TMED9: variants seen among roughly 807,000 people sequenced by gnomAD.
TMED9 encodes the protein transmembrane emp24 domain-containing protein 9.
In TMED9, 22 loss-of-function variants were observed where a neutral mutation model predicts 30.6. The ratio of observed to expected loss-of-function variants is 0.72; its 90% confidence interval spans 0.51 to 1.03. TMED9 has a LOEUF of 1.03. Among genes scored for constraint, TMED9 ranks in the 50% least tolerant of loss-of-function variants. TMED9 has a pLI of 0.00. For missense variants in TMED9, 251 were observed against 302.1 expected, an observed-to-expected ratio of 0.83 and a Z score of 1.25; for synonymous variants, 146 against 122.8, an observed-to-expected ratio of 1.19 and a Z score of -1.25.
In TMED9 at chr5:177,595,959, T is replaced by C. The variant is rs182626237; in HGVS notation, c.*543T>C. On this transcript the variant is annotated 3_prime_UTR_variant, in exon 5 of 5. Coordinates refer to ENST00000332598, the MANE Select transcript of TMED9 (RefSeq NM_017510.6). ...TGCAGTTGACCTGAGCTGCTTCACA[T>C]GGTTGTCCATTCTGGGGCTTAAAGA... 2.0e-5 allele frequency: 3 copies of C among 152,898 alleles called. No individual in the cohort carries two copies. In the East Asian group the frequency reaches 5.8e-4, roughly 29 times the overall value. The allele number at this position is 152,898 out of a possible 1,614,324, so 9.5% of individuals were successfully genotyped here. A position where few individuals can be genotyped will look rare whatever the true frequency, so the allele number is the denominator to read the frequency against.
chr5:177,592,283 G>C lies in TMED9; in HGVS notation c.69G>C (p.Arg23=). The change falls in exon 1 of 5, where the codon CGG becomes CGC. Residue 23 remains arginine, a synonymous_variant. Coordinates refer to ENST00000332598, the MANE Select transcript of TMED9 (RefSeq NM_017510.6). ...RPGTGLGRVM[R]TLLLVLWLAT... ...GAACCGGGCTGGGTAGAGTGATGCG[G>C]ACCCTCCTGCTGGTGCTGTGGCTGG... 2 of 1,611,852 alleles carry C rather than the reference G, an allele frequency of 1.2e-6. No individual in the cohort carries two copies. Among genetic ancestry groups the C allele is most frequent in the Non-Finnish European group, 8.5e-7 (1 of 1,179,082 alleles).
In TMED9 at chr5:177,592,350, GAGA is replaced by G. The variant is rs1561809116; in HGVS notation, c.142_144del (p.Lys48del). 5 of 1,605,486 alleles carry G rather than the reference GAGA, an allele frequency of 3.1e-6. No individual in the cohort carries two copies. Among genetic ancestry groups the G allele is most frequent in the South Asian group, 1.1e-5 (1 of 89,602 alleles). ...GCTCTACTTTCACATCGGAGAGACG[GAGA>G]AGAAGTGCTTTATTGAGGAGATCCC... On this transcript the variant is annotated inframe_deletion, in exon 1 of 5. Transcript: ENST00000332598.
chr5:177,592,227 C>G lies in TMED9; in HGVS notation c.13C>G (p.Leu5Val), dbSNP rs768852417. 9.3e-6 allele frequency: 15 copies of G among 1,605,808 alleles called. No individual in the cohort carries two copies. Among genetic ancestry groups the G allele is most frequent in the Middle Eastern group, 1.9e-4 (1 of 5,208 alleles). The change falls in exon 1 of 5, where the codon CTG becomes GTG. Residue 5 changes from leucine to valine, a missense_variant. Leu to Val is a conservative substitution (Grantham distance 32). Coordinates refer to ENST00000332598, the MANE Select transcript of TMED9 (RefSeq NM_017510.6). MAVE[L>V]GVLLVRPRPG... is the part of the protein sequence containing the mutation. ...CAGGTGGAGCAAGATGGCTGTGGAG[C>G]TGGGCGTGCTGCTCGTCCGGCCCCG...
intron 2 of TMED9, 23 bp from the exon 3 acceptor site, chr5:177,593,627 T>C (rs767289014): frequency 1.2e-6 from 2 of 1,613,904 alleles, no homozygotes; most frequent in Non-Finnish European, 1.7e-6. Context: ...TAATACTGAC[T>C]GAAGCTTGTT....
At position 177,592,631 on chromosome 5, in the gene TMED9, C is replaced by T. The variant is rs1384557349; in HGVS notation, c.241C>T (p.Pro81Ser). The change falls in exon 2 of 5, where the codon CCG (proline) becomes TCG (serine). Residue 81 changes from proline to serine, a missense_variant. Physicochemically the swap from Pro to Ser is moderately conservative, Grantham distance 74. Around this residue, in one of 2 missense-constraint regions of TMED9, gnomAD observed 153 missense variants for 239.6 expected, o/e 0.64. Coordinates refer to ENST00000332598, the MANE Select transcript of TMED9 (RefSeq NM_017510.6). The part of the protein sequence containing the change: ...KQREEYQPAT[P>S]GLGMFVEVKD... ...GCGGGAGGAGTACCAGCCGGCCACC[C>T]CGGGGCTTGGCATGTTTGTGGAGGT... 2 of 1,613,724 alleles carry T rather than the reference C, an allele frequency of 1.2e-6. No individual in the cohort carries two copies. Among genetic ancestry groups the T allele is most frequent in the East Asian group, 2.2e-5 (1 of 44,862 alleles).
At position 177,595,451 on chromosome 5, in the gene TMED9, G is replaced by C; in HGVS notation, c.*35G>C. 2 of 1,575,842 alleles carry C rather than the reference G, an allele frequency of 1.3e-6. No individual in the cohort carries two copies. The highest frequency in any genetic ancestry group is 8.7e-7 in the Non-Finnish European group (1 of 1,154,760). ...GCGTCACAACCCATCCTCCCAGGCT[G>C]GGGGAGAAAGGACCTCCTGGAACTG... On this transcript the variant is annotated 3_prime_UTR_variant, in exon 5 of 5. Coordinates refer to ENST00000332598, the MANE Select transcript of TMED9 (RefSeq NM_017510.6).
At chr5:177,592,434 G>T in intron 1 of TMED9, 36 bp downstream of exon 1, 1 of 1,570,200 alleles carries the variant, frequency 6.4e-7, no homozygotes, top group Non-Finnish European at 8.6e-7. Context: ...AGTTTGGAAC[G>T]TGACCGTGGT....
Position 177,595,333 on chromosome 5 carries a change from C to G in TMED9, c.625C>G (p.Leu209Val). The G allele has an allele frequency of 6.2e-7, 1 of 1,613,256 alleles. No homozygotes were observed. The highest frequency in any genetic ancestry group is 8.5e-7 in the Non-Finnish European group (1 of 1,179,394). ...CCAGCGGGTGCTGTGGTGGTCCATTCTGCAGACCCTCATCCTCGTGGCCAT... is the reference window on the plus strand; with the variant it reads ...CCAGCGGGTGCTGTGGTGGTCCATTGTGCAGACCCTCATCCTCGTGGCCAT... ...TNQRVLWWSILQTLILVAIGV... is the reference protein window; with the variant it reads ...TNQRVLWWSIVQTLILVAIGV... Residue 209 changes from leucine (L) to valine (V), a missense_variant, in exon 5 of 5, where the codon CTG becomes GTG. Physicochemically the swap from Leu to Val is conservative, Grantham distance 32. Around this residue, in one of 2 missense-constraint regions of TMED9, gnomAD observed 153 missense variants for 239.6 expected, o/e 0.64. Transcript: ENST00000332598.
chr5:177,595,444 C>T lies in TMED9; in HGVS notation c.*28C>T. The T allele has an allele frequency of 6.3e-7, 1 of 1,584,320 alleles. No homozygotes were observed. The highest frequency in any genetic ancestry group is 1.1e-5 in the South Asian group (1 of 88,556). ...GTCCCAGGCGTCACAACCCATCCTC[C>T]CAGGCTGGGGGAGAAAGGACCTCCT... On this transcript the variant is annotated 3_prime_UTR_variant, in exon 5 of 5. Coordinates refer to ENST00000332598, the MANE Select transcript of TMED9 (RefSeq NM_017510.6).
chr5:177,595,175 A>G (rs1252302303), intron 4 of TMED9, 92 bp from the exon 5 acceptor site: 4 of 1,415,316 alleles, frequency 2.8e-6, no homozygotes, highest in Non-Finnish European at 2.8e-6. Context: ...GAACCTGGGC[A>G]AAGCTGGCTG....
Position 177,594,341 on chromosome 5 carries a change from A to T in TMED9, c.558+56A>T, listed in dbSNP as rs114640932. The T allele has an allele frequency of 3.1e-5, 49 of 1,590,834 alleles. No individual in the cohort carries two copies. The African/African-American group carries it at 6.3e-4, about 20-fold the overall frequency. ...CTCCCTAGAAGCTGCCCACTGGCTC[A>T]GCCAGGAATTTCACATTAAATTCAT... is the stretch of plus-strand genomic sequence containing the variant. On this transcript the variant is annotated intron_variant, in intron 4 of 4. Transcript: ENST00000332598.
Position 177,594,198 on chromosome 5 carries a change from TA to T in TMED9, c.474del (p.Asp159ThrfsTer3). On this transcript the variant is annotated frameshift_variant, in exon 4 of 5. Coordinates refer to ENST00000332598, the MANE Select transcript of TMED9 (RefSeq NM_017510.6). LOFTEE classifies it high-confidence loss of function. ...CCAATGACTATGCAGAAATTGCTGC[TA>T]AAGACAAGTTGAGTGAGTTGCAGCT... ...HANDYAEIAA[K>X]DKLSELQLRV... The T allele has an allele frequency of 6.2e-7, 1 of 1,614,192 alleles. No homozygotes were observed. The highest frequency in any genetic ancestry group is 1.1e-5 in the South Asian group (1 of 91,084).
rs1369474732 is a variant in TMED9 at position 177,596,331 on chromosome 5, C to T, written c.*915C>T. Among the ~76,000 whole-genome samples the T allele has an allele frequency of 1.3e-5, 2 of 152,228 alleles. No individual in the cohort carries two copies. Among genetic ancestry groups the T allele is most frequent in the Admixed American group, 1.3e-4 (2 of 15,278 alleles). The stretch of plus-strand genomic sequence containing the variant: ...TAAATTGGGCTGGGGCTCAAATTTA[C>T]ACCCTTTCCTCTGTGCCAGCTCCCT... On this transcript the variant is annotated 3_prime_UTR_variant, in exon 5 of 5. Coordinates refer to ENST00000332598, the MANE Select transcript of TMED9 (RefSeq NM_017510.6).
In TMED9 at chr5:177,595,519, T is replaced by G; in HGVS notation, c.*103T>G. The stretch of plus-strand genomic sequence containing the variant: ...GACTGGTTTCCAGCCATACCTGTTC[T>G]GGAAGGGAGAGGGGCTGGAGGCACC... On this transcript the variant is annotated 3_prime_UTR_variant, in exon 5 of 5. Coordinates refer to ENST00000332598, the MANE Select transcript of TMED9 (RefSeq NM_017510.6). 1 of 1,435,408 alleles carries G rather than the reference T, an allele frequency of 7.0e-7. No individual in the cohort carries two copies. Among genetic ancestry groups the G allele is most frequent in the African/African-American group, 1.4e-5 (1 of 70,412 alleles). The allele number at this position is 1,435,408 out of a possible 1,614,324, so 88.9% of individuals were successfully genotyped here.
chr5:177,593,486 A>T, intron 2 of TMED9, 164 bp from the exon 3 acceptor site: 1 of 852,224 alleles, frequency 1.2e-6, no homozygotes, highest in East Asian at 2.5e-5. Context: ...GAGTTCTCAC[A>T]CAAGCATATG....
intron 4 of TMED9, among the ~76,000 whole-genome samples, chr5:177,594,522 A>G (rs527696086): frequency 1.3e-5 from 2 of 152,186 alleles, no homozygotes; most frequent in South Asian, 4.1e-4. Context: ...TTTGATACCA[A>G]CACCTTGGGT....
chr5:177,595,438 A>G lies in TMED9; in HGVS notation c.*22A>G, dbSNP rs372205411. ...GTAGCTGTCCCAGGCGTCACAACCC[A>G]TCCTCCCAGGCTGGGGGAGAAAGGA... On this transcript the variant is annotated 3_prime_UTR_variant, in exon 5 of 5. Transcript: ENST00000332598. 9 of 1,591,076 alleles carry G rather than the reference A, an allele frequency of 5.7e-6. No homozygotes were observed. Among genetic ancestry groups the G allele is most frequent in the Non-Finnish European group, 7.7e-6 (9 of 1,163,828 alleles).
rs759028793 is a variant in TMED9 at position 177,595,314 on chromosome 5, G to C, written c.606G>C (p.Arg202=). The change falls in exon 5 of 5, where the codon CGG becomes CGC. Residue 202 remains arginine (R), a synonymous_variant. Coordinates refer to ENST00000332598, the MANE Select transcript of TMED9 (RefSeq NM_017510.6). ...AGACCAGTGAGAGCACCAACCAGCG[G>C]GTGCTGTGGTGGTCCATTCTGCAGA... is the stretch of plus-strand genomic sequence containing the variant. The part of the protein sequence containing the change: ...FRQTSESTNQ[R]VLWWSILQTL... 2.5e-6 allele frequency: 4 copies of C among 1,609,340 alleles called. No individual in the cohort carries two copies. The African/African-American group carries it at 4.0e-5, about 16-fold the overall frequency.
At chr5:177,594,024 C>G (rs570380851) in intron 3 of TMED9, 115 bp from the exon 4 acceptor site, 1 of 1,409,328 alleles carries the variant, frequency 7.1e-7, no homozygotes, top group African/African-American at 1.4e-5. Context: ...TGAAGAGGGC[C>G]CAGTCTGTTG....
Sources: gnomAD v4.1 joint callset for allele counts (sites outside exome capture counted in the v4.1 genomes callset) on GRCh38, gnomAD v4.1.1 for gene constraint, gnomAD v4.1.1 regional missense constraint, MANE v1.5 for transcripts, NCBI Gene and HGNC (gene_info 2026-07-23, HGNC 2026-07-21) for gene names.